Variants in ROBO1 observed in about 807,000 individuals in gnomAD.
ROBO1 encodes roundabout homolog 1.
ROBO1 carries 149 observed loss-of-function variants against 195.9 expected under a neutral mutation model. That is an observed-to-expected ratio of 0.76 (90% CI 0.67 to 0.87). The LOEUF (loss-of-function observed/expected upper bound fraction) is 0.87, where lower values mean the gene tolerates loss of function less well. Ranked by LOEUF, ROBO1 falls within the 40% of genes least tolerant of loss-of-function variation. The pLI, the probability that ROBO1 is intolerant of heterozygous loss-of-function variation, is 0.00. For missense variants in ROBO1, 1,933 were observed against 2,068.3 expected (o/e 0.93, Z 1.27); for synonymous variants, 816 against 733.2 (o/e 1.11, Z -1.82).
chr3:78,787,006 G>A (rs1019856426), intron 4 of ROBO1, among the ~76,000 whole-genome samples: 5 of 152,102 alleles, frequency 3.3e-5, no homozygotes, highest in Non-Finnish European at 7.4e-5. Flanking sequence ...CTAAACTAGT[G>A]GTTCTCCACC....
intron 1 of ROBO1, among the ~76,000 whole-genome samples, chr3:79,651,614 A>G (rs1002221345): frequency 6.6e-6 from 1 of 152,140 alleles, no homozygotes; most frequent in African/African-American, 2.4e-5. Flanking sequence ...TCTTAGCCTT[A>G]GTCTGCAACG....
chr3:79,181,616 T>C (rs961990029), intron 2 of ROBO1, among the ~76,000 whole-genome samples: 4 of 152,220 alleles, frequency 2.6e-5, no homozygotes, highest in African/African-American at 9.7e-5. Flanking sequence ...TTATTTTTAG[T>C]GAGGAATATG....
At chr3:79,307,128 A>C (rs914432276) in intron 2 of ROBO1, among the ~76,000 whole-genome samples, 1 of 152,138 alleles carries the variant, frequency 6.6e-6, no homozygotes, top group African/African-American at 2.4e-5. Flanking sequence ...GTCATTCCTC[A>C]GCCTCCTCAA....
intron 4 of ROBO1, among the ~76,000 whole-genome samples, chr3:78,771,226 G>C (rs1259088440): frequency 6.6e-6 from 1 of 152,106 alleles, no homozygotes; most frequent in Non-Finnish European, 1.5e-5. Flanking sequence ...CTTTATTTCT[G>C]GGTTCTCTAT....
chr3:79,485,216 GATAAA>G (rs969521818), intron 2 of ROBO1, among the ~76,000 whole-genome samples: 1 of 152,002 alleles, frequency 6.6e-6, no homozygotes, highest in African/African-American at 2.4e-5. Flanking sequence ...GAGTGCTTTG[GATAAA>G]ATAAGACATT....
At chr3:78,737,752 C>G (rs1403097785) in intron 5 of ROBO1, among the ~76,000 whole-genome samples, 1 of 152,074 alleles carries the variant, frequency 6.6e-6, no homozygotes, top group Non-Finnish European at 1.5e-5. Context: ...AATCCAATGA[C>G]TGGTACAATA....
chr3:79,392,747 A>G (rs1466291244), intron 2 of ROBO1, among the ~76,000 whole-genome samples: 1 of 152,224 alleles, frequency 6.6e-6, no homozygotes, highest in East Asian at 1.9e-4. Flanking sequence ...TTTCACAGGC[A>G]GAGATAGTAT....
At chr3:79,241,887 C>T (rs2082526013) in intron 2 of ROBO1, among the ~76,000 whole-genome samples, 1 of 151,492 alleles carries the variant, frequency 6.6e-6, no homozygotes, top group South Asian at 2.1e-4. Flanking sequence ...GCAGGCACTA[C>T]TAGCCGTCTT....
At chr3:78,755,857 A>AT (rs1461229449) in intron 4 of ROBO1, among the ~76,000 whole-genome samples, 1 of 152,174 alleles carries the variant, frequency 6.6e-6, no homozygotes, top group East Asian at 1.9e-4. Flanking sequence ...AAATTGTTTC[A>AT]TTGGTTAAAA....
Position 79,084,516 on chromosome 3 carries a change from A to G in ROBO1, c.172+40940T>C, listed in dbSNP as rs541222303. ...CCATCTCAAAAAAAGAGAATAATAAAACAGATCGGATTGTTGTGAATGTAA... is the reference window on the plus strand; with the variant it reads ...CCATCTCAAAAAAAGAGAATAATAAGACAGATCGGATTGTTGTGAATGTAA... On this transcript the variant is annotated intron_variant, in intron 3 of 30. Transcript: ENST00000464233. Among the ~76,000 whole-genome samples the G allele has an allele frequency of 3.3e-5, 5 of 152,232 alleles. No homozygotes were observed. In the South Asian group the frequency reaches 1.0e-3, roughly 32 times the overall value.
chr3:79,160,682 A>T (rs2080942184), intron 2 of ROBO1, among the ~76,000 whole-genome samples: 1 of 152,066 alleles, frequency 6.6e-6, no homozygotes, highest in African/African-American at 2.4e-5. Context: ...GTCCAAAAAA[A>T]CTGTGGTTTT....
chr3:79,716,244 TAAG>T (rs1469483552), intron 1 of ROBO1, among the ~76,000 whole-genome samples: 1 of 151,848 alleles, frequency 6.6e-6, no homozygotes, highest in Non-Finnish European at 1.5e-5. Context: ...TTATAGGAAA[TAAG>T]AATATTAACC....
At chr3:78,728,652 C>G (rs1036117724) in intron 5 of ROBO1, among the ~76,000 whole-genome samples, 2 of 152,114 alleles carry the variant, frequency 1.3e-5, no homozygotes, top group African/African-American at 2.4e-5. Flanking sequence ...CAAGTACACA[C>G]ACATTGTAAA....
chr3:78,989,525 G>T (rs1294713503), intron 3 of ROBO1, among the ~76,000 whole-genome samples: 1 of 152,100 alleles, frequency 6.6e-6, no homozygotes, highest in Non-Finnish European at 1.5e-5. Context: ...GACGTGGGAG[G>T]ATCACCTGAG....
intron 5 of ROBO1, among the ~76,000 whole-genome samples, chr3:78,743,371 G>A (rs1188126653): frequency 1.3e-5 from 2 of 151,838 alleles, no homozygotes; most frequent in Non-Finnish European, 1.5e-5. Context: ...CTCAGTCACC[G>A]ACACCTCCTT....
chr3:78,868,735 G>A (rs1347613559), intron 4 of ROBO1, among the ~76,000 whole-genome samples: 3 of 151,954 alleles, frequency 2.0e-5, no homozygotes, highest in Non-Finnish European at 2.9e-5. Context: ...CATAAAAGGG[G>A]AAAAAAACAC....
At chr3:79,263,815 T>G (rs963474449) in intron 2 of ROBO1, among the ~76,000 whole-genome samples, 7 of 152,056 alleles carry the variant, frequency 4.6e-5, no homozygotes, top group Non-Finnish European at 1.0e-4. Flanking sequence ...ACATTACAAA[T>G]AGTTTACTAA....
rs550726687 is a variant in ROBO1, at chr3:78,753,743, G to T, written c.500-6843C>A. 2.3e-3 allele frequency among the ~76,000 whole-genome samples: 349 copies of T among 152,198 alleles called. 7 individuals are homozygous for T. Among genetic ancestry groups the T allele is most frequent in the Middle Eastern group, 6.8e-3 (2 of 292 alleles). Reference sequence around the variant, plus strand: ...GTTGTTCCCCAACCTGTGTCCATGTGTTCTCATTAGAATCAACATTTAAAT... The same window carrying T: ...GTTGTTCCCCAACCTGTGTCCATGTTTTCTCATTAGAATCAACATTTAAAT... On this transcript the variant is annotated intron_variant, in intron 4 of 30. Coordinates refer to ENST00000464233, the MANE Select transcript of ROBO1 (RefSeq NM_002941.4).
chr3:78,598,390 C>T lies in ROBO1; in HGVS notation c.*523G>A, dbSNP rs915539852. 1 of 152,474 alleles carries T rather than the reference C, an allele frequency of 6.6e-6. No individual in the cohort carries two copies. The highest frequency in any genetic ancestry group is 2.4e-5 in the African/African-American group (1 of 41,396). The allele number at this position is 152,474 out of a possible 1,614,324, so 9.4% of individuals were successfully genotyped here. ...GCATTTGCTATATTTTTAGTTTCTTCCAGCAAAGGGTAGTATGAAAAACTG... is the reference window on the plus strand; with the variant it reads ...GCATTTGCTATATTTTTAGTTTCTTTCAGCAAAGGGTAGTATGAAAAACTG... On this transcript the variant is annotated 3_prime_UTR_variant, in exon 31 of 31. Coordinates refer to ENST00000464233, the MANE Select transcript of ROBO1 (RefSeq NM_002941.4).
Sources: allele counts gnomAD v4.1 joint callset (sites outside exome capture counted in the v4.1 genomes callset), GRCh38; gene constraint gnomAD v4.1.1; transcripts MANE v1.5; gene names NCBI Gene and HGNC (gene_info 2026-07-23, HGNC 2026-07-21).